Variants in CHST9 observed in about 807,000 individuals in gnomAD.
CHST9 encodes carbohydrate sulfotransferase 9.
A neutral mutation model predicts 44.4 loss-of-function variants in CHST9; 41 were observed. The observed-to-expected ratio is 0.92, with a 90% confidence interval of 0.72 to 1.20. The LOEUF is 1.20. Ranked by LOEUF, CHST9 falls within the 50% of genes most tolerant of loss-of-function variation. The pLI is 0.00. For missense variants in CHST9, 504 were observed against 516.5 expected, an observed-to-expected ratio of 0.98 and a Z score of 0.23; for synonymous variants, 171 against 178.4, an observed-to-expected ratio of 0.96 and a Z score of 0.33.
At chr18:26,929,933 G>A (rs2055846347) in intron 5 of CHST9, among the ~76,000 whole-genome samples, 1 of 152,164 alleles carries the variant, frequency 6.6e-6, no homozygotes, top group South Asian at 2.1e-4. Context: ...ATGCCTACTA[G>A]TCCAAAGCCA....
At chr18:26,923,451 C>T (rs761824578) in intron 5 of CHST9, among the ~76,000 whole-genome samples, 3 of 152,204 alleles carry the variant, frequency 2.0e-5, no homozygotes, top group Non-Finnish European at 4.4e-5. Context: ...GCATTAATAA[C>T]ATATGTTTGA....
intron 2 of CHST9, among the ~76,000 whole-genome samples, chr18:27,073,702 G>T (rs1020810553): frequency 6.6e-6 from 1 of 151,994 alleles, no homozygotes; most frequent in Non-Finnish European, 1.5e-5. Flanking sequence ...AGCCACTCCT[G>T]CTGCACTCTC....
chr18:27,046,310 AT>A (rs1164577399), intron 3 of CHST9, among the ~76,000 whole-genome samples: 1 of 152,096 alleles, frequency 6.6e-6, no homozygotes, highest in East Asian at 1.9e-4. Context: ...CAACCAAAAA[AT>A]GAGGGTCTTG....
At chr18:27,022,237 C>A (rs1273458937) in intron 4 of CHST9, among the ~76,000 whole-genome samples, 2 of 152,144 alleles carry the variant, frequency 1.3e-5, no homozygotes, top group African/African-American at 4.8e-5. Context: ...ACATCCCATG[C>A]TTGTTCACAG....
intron 4 of CHST9, chr18:26,952,106 A>G (rs1406254412): frequency 2.3e-6 from 1 of 441,464 alleles, no homozygotes; most frequent in East Asian, 6.0e-5. Context: ...CGAACAGCAA[A>G]GAGGAAGCCA....
At chr18:26,935,329 T>G (rs2055968713) in intron 5 of CHST9, 1 of 152,194 alleles carries the variant, frequency 6.6e-6, no homozygotes, top group Non-Finnish European at 1.5e-5. Flanking sequence ...GTCTCAAGTA[T>G]GGAATACTTG....
chr18:26,981,143 A>G (rs2056686977), intron 4 of CHST9, among the ~76,000 whole-genome samples: 1 of 152,230 alleles, frequency 6.6e-6, no homozygotes, highest in Non-Finnish European at 1.5e-5. Context: ...TAGATTGGGA[A>G]ATTAGAATTG....
At chr18:27,075,521 T>C (rs1434285170) in intron 2 of CHST9, among the ~76,000 whole-genome samples, 6 of 152,208 alleles carry the variant, frequency 3.9e-5, no homozygotes, top group Admixed American at 3.9e-4. Context: ...TCTGACATTC[T>C]TACAAAATTA....
intron 2 of CHST9, among the ~76,000 whole-genome samples, chr18:27,096,257 A>G (rs1397953538): frequency 6.6e-6 from 1 of 152,076 alleles, no homozygotes; most frequent in Non-Finnish European, 1.5e-5. Flanking sequence ...GACACAACAT[A>G]TCAAAGTCTC....
intron 2 of CHST9, among the ~76,000 whole-genome samples, chr18:27,072,067 C>T (rs900483602): frequency 1.3e-5 from 2 of 152,084 alleles, no homozygotes; most frequent in Admixed American, 6.5e-5. Flanking sequence ...CCATATTGCC[C>T]GGTGTGAAGT....
At chr18:26,969,702 G>C (rs1350722080) in intron 4 of CHST9, among the ~76,000 whole-genome samples, 1 of 152,120 alleles carries the variant, frequency 6.6e-6, no homozygotes, top group Non-Finnish European at 1.5e-5. Flanking sequence ...AAATGAAGAA[G>C]ATAAATTAGG....
At chr18:26,967,807 T>C (rs535064215) in intron 4 of CHST9, among the ~76,000 whole-genome samples, 1 of 152,312 alleles carries the variant, frequency 6.6e-6, no homozygotes, top group East Asian at 1.9e-4. Flanking sequence ...ACCCTCAATC[T>C]GGGTGGACAC....
intron 2 of CHST9, among the ~76,000 whole-genome samples, chr18:27,083,556 C>G (rs962452941): frequency 6.6e-6 from 1 of 152,120 alleles, no homozygotes; most frequent in Non-Finnish European, 1.5e-5. Context: ...TATCCAAAGC[C>G]AATTCACTAC....
chr18:27,075,696 C>A (rs1195672727), intron 2 of CHST9, among the ~76,000 whole-genome samples: 1 of 115,834 alleles, frequency 8.6e-6, no homozygotes, highest in East Asian at 2.6e-4. Context: ...CACACATACT[C>A]CCAGATGTGC....
chr18:27,115,851 T>A (rs1429730072), intron 2 of CHST9, among the ~76,000 whole-genome samples: 1 of 152,204 alleles, frequency 6.6e-6, no homozygotes, highest in Non-Finnish European at 1.5e-5. Context: ...GAGTGTAAAG[T>A]GATATTTCAT....
At chr18:27,183,072 C>G (rs76682992) in intron 1 of CHST9, among the ~76,000 whole-genome samples, 4,119 of 151,562 alleles carry the variant, frequency 0.027, 183 homozygotes, top group African/African-American at 0.095. Context: ...TCAGGAGGGC[C>G]CTGCAGCTGC....
chr18:27,171,611 A>G (rs2058834247), intron 1 of CHST9, among the ~76,000 whole-genome samples: 1 of 152,200 alleles, frequency 6.6e-6, no homozygotes, highest in African/African-American at 2.4e-5. Flanking sequence ...TAAATGTACA[A>G]GGTTCATAAA....
intron 1 of CHST9, among the ~76,000 whole-genome samples, chr18:27,165,673 A>G (rs1009885015): frequency 6.6e-6 from 1 of 152,200 alleles, no homozygotes; most frequent in African/African-American, 2.4e-5. Context: ...CCTGCTAATA[A>G]AACTTCCGTA....
At chr18:26,991,462 T>G (rs953417809) in intron 4 of CHST9, among the ~76,000 whole-genome samples, 3 of 152,050 alleles carry the variant, frequency 2.0e-5, no homozygotes, top group Admixed American at 2.0e-4. Flanking sequence ...AGACTTTTAA[T>G]GATAAATGCC....
Sources: allele counts gnomAD v4.1 joint callset (sites outside exome capture counted in the v4.1 genomes callset), GRCh38; gene constraint gnomAD v4.1.1; transcripts MANE v1.5; gene names NCBI Gene and HGNC (gene_info 2026-07-23, HGNC 2026-07-21).